The following PLAT variants were observed in gnomAD, a reference collection of about 807,000 sequenced individuals.
PLAT encodes tissue-type plasminogen activator.
A neutral mutation model predicts 74.9 loss-of-function variants in PLAT; 48 were observed. The observed-to-expected ratio is 0.64, with a 90% confidence interval of 0.51 to 0.82. The LOEUF is 0.82. Ranked by LOEUF, PLAT falls within the 40% of genes least tolerant of loss-of-function variation. The pLI is 0.00. For synonymous variants in PLAT, 307 were observed against 294.4 expected (o/e 1.04, Z -0.44); for missense variants, 673 against 736.2 (o/e 0.91, Z 0.99).
chr8:42,183,524 C>T (rs1408154642), intron 7 of PLAT, among the ~76,000 whole-genome samples: 1 of 152,010 alleles, frequency 6.6e-6, no homozygotes, highest in South Asian at 2.1e-4. Context: ...AGTGAACCAA[C>T]GTGCTTCAGT....
chr8:42,204,250 C>A lies in PLAT; in HGVS notation c.-27+3244G>T, dbSNP rs140658379. Among the ~76,000 whole-genome samples the A allele has an allele frequency of 2.4e-3, 370 of 151,920 alleles. 1 individual carries two copies. Among genetic ancestry groups the A allele is most frequent in the African/African-American group, 8.5e-3 (351 of 41,364 alleles). On this transcript the variant is annotated intron_variant, in intron 1 of 13. Transcript: ENST00000220809. The stretch of plus-strand genomic sequence containing the variant: ...GGTTTTGTGAGCTGCTTGACTAGGA[C>A]GAGGTTTATAGCCTGACACTATAGA...
intron 6 of PLAT, chr8:42,186,942 ATCTG>A (rs551167189): frequency 1.3e-3 from 193 of 153,306 alleles, no homozygotes; most frequent in Middle Eastern, 3.4e-3. Flanking sequence ...TCATCTGTCA[ATCTG>A]TCTATCATCT....
At chr8:42,188,069 A>G (rs1266456630) in intron 4 of PLAT, 53 bp from the exon 5 acceptor site, 3 of 1,103,976 alleles carry the variant, frequency 2.7e-6, no homozygotes, top group African/African-American at 3.1e-5. Flanking sequence ...CTGTGTGCTC[A>G]GGCCATGGTT....
intron 1 of PLAT, chr8:42,195,643 C>T (rs1047845151): frequency 6.6e-6 from 1 of 152,218 alleles, no homozygotes; most frequent in African/African-American, 2.4e-5. Context: ...ATCACAGAGA[C>T]TTACTCCAGA....
At chr8:42,185,003 A>G (rs1805394371) in intron 7 of PLAT, 78 bp downstream of exon 7, 1 of 910,822 alleles carries the variant, frequency 1.1e-6, no homozygotes, top group Non-Finnish European at 1.7e-6. Context: ...CCTCAGGTGC[A>G]GGAGGGCTAT....
chr8:42,203,658 T>C (rs536303851), intron 1 of PLAT, among the ~76,000 whole-genome samples: 76 of 152,260 alleles, frequency 5.0e-4, no homozygotes, highest in South Asian at 4.8e-3. Flanking sequence ...TTTGAATATA[T>C]AATATGCAAA....
intron 7 of PLAT, among the ~76,000 whole-genome samples, chr8:42,183,107 G>A (rs193186104): frequency 6.6e-6 from 1 of 152,240 alleles, no homozygotes; most frequent in African/African-American, 2.4e-5. Flanking sequence ...GGGTTCAAGC[G>A]ATTCTTCTAC....
At chr8:42,203,992 T>TATATATATATACACACACAC (rs1554499838) in intron 1 of PLAT, among the ~76,000 whole-genome samples, 5 of 109,868 alleles carry the variant, frequency 4.6e-5, no homozygotes, top group African/African-American at 2.1e-4. Context: ...TATATATATA[T>TATATATATATACACACACAC]ACACACACAC....
intron 1 of PLAT, among the ~76,000 whole-genome samples, chr8:42,204,802 G>A (rs910213363): frequency 2.9e-4 from 44 of 150,936 alleles, no homozygotes; most frequent in African/African-American, 1.0e-3. Flanking sequence ...GGCAGATCAC[G>A]AGGTCAGGAG....
intron 1 of PLAT, among the ~76,000 whole-genome samples, chr8:42,202,448 A>G (rs529912337): frequency 2.0e-5 from 3 of 152,170 alleles, no homozygotes; most frequent in Non-Finnish European, 4.4e-5. Context: ...AGTCCCATCT[A>G]TGGGGCTGGA....
Position 42,176,125 on chromosome 8 carries a change from A to T in PLAT, c.1557T>A (p.Cys519Ter), listed in dbSNP as rs750446254. 6.2e-7 allele frequency: 1 copy of T among 1,613,946 alleles called. No homozygotes were observed. Among genetic ancestry groups the T allele is most frequent in the South Asian group, 1.1e-5 (1 of 91,020 alleles). The change falls in exon 14 of 14, where the codon TGT (cysteine) becomes TGA (stop). Residue 519 changes from cysteine to a stop codon, truncating the protein, a stop_gained. Coordinates refer to ENST00000220809, the MANE Select transcript of PLAT (RefSeq NM_000930.5). LOFTEE classifies it high-confidence loss of function. ...CQGDSGGPLVCLNDGRMTLVG... is the reference protein window; with the variant it reads ...CQGDSGGPLV ...CCAAAGTCATGCGGCCATCGTTCAG[A>T]CACACCAGGGGGCCTCCCGAATCGC... is the stretch of plus-strand genomic sequence containing the variant.
chr8:42,191,870 G>A (rs1805699734), intron 2 of PLAT, among the ~76,000 whole-genome samples: 1 of 152,004 alleles, frequency 6.6e-6, no homozygotes, highest in Admixed American at 6.6e-5. Context: ...TGGTTAGTTT[G>A]GACTTCCGTG....
intron 3 of PLAT, among the ~76,000 whole-genome samples, chr8:42,189,935 T>TC (rs61423460): frequency 6.7e-6 from 1 of 148,434 alleles, no homozygotes; most frequent in African/African-American, 2.5e-5. Flanking sequence ...TTTTTTTTTT[T>TC]CGAGGGTCTC....
chr8:42,187,311 G>A (rs1805517438), intron 6 of PLAT, 87 bp downstream of exon 6: 1 of 1,204,200 alleles, frequency 8.3e-7, no homozygotes, highest in Non-Finnish European at 1.1e-6. Flanking sequence ...ATGTTTCTTG[G>A]GAGAACCCTG....
At position 42,189,011 on chromosome 8, in the gene PLAT, G is replaced by A. The variant is rs1587936145; in HGVS notation, c.176C>T (p.Pro59Leu). The A allele has an allele frequency of 1.2e-6, 2 of 1,613,956 alleles. No individual in the cohort carries two copies. The highest frequency in any genetic ancestry group is 1.7e-6 in the Non-Finnish European group (2 of 1,179,828). Residue 59 changes from proline (P) to leucine (L), a missense_variant, in exon 4 of 14, where the codon CCT (proline) becomes CTT (leucine). By Grantham distance (98) the Pro-to-Leu change is moderately conservative. Coordinates refer to ENST00000220809, the MANE Select transcript of PLAT (RefSeq NM_000930.5). ...IYQQHQSWLR[P>L]VLRSNRVEYC... The stretch of plus-strand genomic sequence containing the variant: ...TTCCACCCGGTTGCTTCTGAGCACA[G>A]GGCGCAGCCATGACTGATGTTGCTG...
intron 4 of PLAT, chr8:42,188,430 C>T: frequency 5.9e-6 from 1 of 170,460 alleles, no homozygotes; most frequent in Admixed American, 6.0e-5. Flanking sequence ...CGGGCATTTG[C>T]CCAAGGTCAC....
Position 42,187,569 on chromosome 8 carries a change from G to T in PLAT, c.368C>A (p.Thr123Asn). 1 of 1,591,808 alleles carries T rather than the reference G, an allele frequency of 6.3e-7. No homozygotes were observed. Among genetic ancestry groups the T allele is most frequent in the African/African-American group, 1.3e-5 (1 of 74,662 alleles). Residue 123 changes from threonine to asparagine, a missense_variant, in exon 6 of 14, where the codon ACC (threonine) becomes AAC (asparagine). Coordinates refer to ENST00000220809, the MANE Select transcript of PLAT (RefSeq NM_000930.5). ...CTGGTCCTCGTAGCACGTGGCCCTG[G>T]TATCTGACAGAGAGCAGGGCATGGA... ...GFAGKCCEIDTRATCYEDQGI... is the reference protein window; with the variant it reads ...GFAGKCCEIDNRATCYEDQGI...
chr8:42,205,945 C>T lies in PLAT; in HGVS notation c.-27+1549G>A, dbSNP rs959063303. On this transcript the variant is annotated intron_variant, in intron 1 of 13. Transcript: ENST00000220809. ...TTGGAATCCTTTGAAATCTACTGGC[C>T]GCTGGCTCTGCTCAGCAACGTCAGG... is the stretch of plus-strand genomic sequence containing the variant. 9.9e-5 allele frequency among the ~76,000 whole-genome samples: 15 copies of T among 152,196 alleles called. 1 individual carries two copies. Among genetic ancestry groups the T allele is most frequent in the South Asian group, 4.1e-4 (2 of 4,832 alleles).
chr8:42,189,578 GATTTATTTATTTATT>G (rs985444404), intron 3 of PLAT, among the ~76,000 whole-genome samples: 4 of 151,132 alleles, frequency 2.6e-5, no homozygotes, highest in African/African-American at 9.7e-5. Flanking sequence ...CTTCTCATAT[GATTTATTTATTTATT>G]ATTTATTTAT....
Sources: allele counts gnomAD v4.1 joint callset (sites outside exome capture counted in the v4.1 genomes callset), GRCh38; gene constraint gnomAD v4.1.1; transcripts MANE v1.5; gene names NCBI Gene and HGNC (gene_info 2026-07-23, HGNC 2026-07-21).